Variants in FRMD4B observed in about 807,000 individuals in gnomAD.
FRMD4B encodes the protein FERM domain containing 4B, also known as FERM domain-containing protein 4B.
In FRMD4B, 74 loss-of-function variants were observed where a neutral mutation model predicts 141.5. That is an observed-to-expected ratio of 0.52 (90% CI 0.43 to 0.63). The LOEUF is 0.63. Among genes scored for constraint, FRMD4B ranks in the 30% least tolerant of loss-of-function variants. The pLI is 0.00. For missense variants in FRMD4B, 1,366 were observed against 1,253.4 expected (o/e 1.09, Z -1.36); for synonymous variants, 506 against 467.9 (o/e 1.08, Z -1.05).
At chr3:69,340,035 C>G (rs1376599370) in intron 1 of FRMD4B, among the ~76,000 whole-genome samples, 4 of 152,286 alleles carry the variant, frequency 2.6e-5, no homozygotes, top group Non-Finnish European at 5.9e-5. Context: ...CTCCCTGGGC[C>G]CCAGCCACAT....
At position 69,415,426 on chromosome 3, in the gene FRMD4B, C is replaced by T. The variant is rs549004339; in HGVS notation, c.-1+17208G>A. ...GTCTTCTATGTCTGTGGTCAAGCCC[C>T]ATCTACCTCTCCCTTGCCCCTTGTC... On this transcript the variant is annotated intron_variant, in intron 2 of 5. Coordinates refer to the FRMD4B transcript ENST00000459638. Among the ~76,000 whole-genome samples the T allele has an allele frequency of 2.0e-5, 3 of 152,244 alleles. No individual in the cohort carries two copies. In the East Asian group the frequency reaches 5.8e-4, roughly 29 times the overall value.
At chr3:69,341,125 A>T (rs572732761) in intron 1 of FRMD4B, among the ~76,000 whole-genome samples, 2 of 152,202 alleles carry the variant, frequency 1.3e-5, no homozygotes, top group Non-Finnish European at 2.9e-5. Flanking sequence ...AAAGAAGGAA[A>T]AAAGAATACT....
intron 1 of FRMD4B, among the ~76,000 whole-genome samples, chr3:69,476,520 G>A (rs1706002179): frequency 6.6e-6 from 1 of 152,138 alleles, no homozygotes; most frequent in African/African-American, 2.4e-5. Flanking sequence ...TTGTAGATAT[G>A]TGGCATTATT....
chr3:69,172,433 AC>A (rs1266279518), intron 22 of FRMD4B, among the ~76,000 whole-genome samples: 9 of 152,138 alleles, frequency 5.9e-5, no homozygotes, highest in African/African-American at 1.7e-4. Context: ...AACCAGCTTT[AC>A]CATCCTGCTA....
intron 1 of FRMD4B, among the ~76,000 whole-genome samples, chr3:69,508,490 A>C (rs965676897): frequency 3.3e-5 from 5 of 152,162 alleles, no homozygotes; most frequent in Non-Finnish European, 7.3e-5. Context: ...TTTATTTCCT[A>C]GTCAATGAGA....
At chr3:69,211,179 T>C (rs1366772673) in intron 11 of FRMD4B, among the ~76,000 whole-genome samples, 2 of 152,182 alleles carry the variant, frequency 1.3e-5, no homozygotes, top group East Asian at 1.9e-4. Context: ...CTAATGATGA[T>C]GGCGTATCAG....
intron 5 of FRMD4B, among the ~76,000 whole-genome samples, chr3:69,279,011 T>G (rs536876393): frequency 4.8e-4 from 73 of 152,142 alleles, no homozygotes; most frequent in Middle Eastern, 3.4e-3. Flanking sequence ...CAAAGTATCA[T>G]CAGACACATT....
At chr3:69,279,100 T>G (rs1440417285) in intron 5 of FRMD4B, among the ~76,000 whole-genome samples, 1 of 152,012 alleles carries the variant, frequency 6.6e-6, no homozygotes, top group Non-Finnish European at 1.5e-5. Flanking sequence ...ACACAACACA[T>G]ACTACACACA....
At chr3:69,407,309 G>A (rs923320169) in intron 2 of FRMD4B, among the ~76,000 whole-genome samples, 1 of 152,172 alleles carries the variant, frequency 6.6e-6, no homozygotes, top group Non-Finnish European at 1.5e-5. Context: ...CACCTATGAA[G>A]CCACTTAGTA....
In FRMD4B at chr3:69,190,275, C is replaced by T. The variant is rs2092821701; in HGVS notation, c.1715-323G>A. Among the ~76,000 whole-genome samples, 4 of 152,154 alleles carry T rather than the reference C, an allele frequency of 2.6e-5. No individual in the cohort carries two copies. In the South Asian group the frequency reaches 8.3e-4, roughly 32 times the overall value. ...CTATATATTTAGTGCTTATGATCAACAAACTGGAAAGAAAAAATCATGCCA... is the reference window on the plus strand; with the variant it reads ...CTATATATTTAGTGCTTATGATCAATAAACTGGAAAGAAAAAATCATGCCA... On this transcript the variant is annotated intron_variant, in intron 17 of 22. Transcript: ENST00000398540.
At chr3:69,320,549 A>G (rs187983056) in intron 1 of FRMD4B, among the ~76,000 whole-genome samples, 153 of 152,340 alleles carry the variant, frequency 1.0e-3, no homozygotes, top group African/African-American at 3.6e-3. Context: ...TGGGCAATAC[A>G]GCAAGACCCT....
rs2092576830 is a variant in FRMD4B at position 69,170,629 on chromosome 3, GAAGCA to G, written c.*1227_*1231del. On this transcript the variant is annotated 3_prime_UTR_variant, in exon 23 of 23. Transcript: ENST00000398540. ...AAAGGAGCACCTTTTATGTAATTTT[GAAGCA>G]AAGATGACAAAAAAGATCAATCTGG... 6.6e-6 allele frequency: 1 copy of G among 152,048 alleles called. No individual in the cohort carries two copies. Among genetic ancestry groups the G allele is most frequent in the African/African-American group, 2.4e-5 (1 of 41,402 alleles). The allele number at this position is 152,048 out of a possible 1,614,324, so 9.4% of individuals were successfully genotyped here.
At chr3:69,319,531 T>C (rs936112496) in intron 1 of FRMD4B, among the ~76,000 whole-genome samples, 32 of 152,312 alleles carry the variant, frequency 2.1e-4, no homozygotes, top group African/African-American at 7.7e-4. Flanking sequence ...AGAGCTGCTG[T>C]AGGGGAAATA....
At chr3:69,379,500 A>G (rs1429930782) in intron 1 of FRMD4B, among the ~76,000 whole-genome samples, 3 of 152,090 alleles carry the variant, frequency 2.0e-5, no homozygotes, top group African/African-American at 7.2e-5. Context: ...GCTGGTCTCA[A>G]ACTCCTGGGC....
intron 1 of FRMD4B, among the ~76,000 whole-genome samples, chr3:69,439,677 A>T (rs191805843): frequency 1.2e-3 from 178 of 152,280 alleles, no homozygotes; most frequent in African/African-American, 4.1e-3. Flanking sequence ...GGGAATGACA[A>T]CTTGCTCTCC....
At chr3:69,352,099 C>T (rs1332314971) in intron 1 of FRMD4B, among the ~76,000 whole-genome samples, 1 of 152,114 alleles carries the variant, frequency 6.6e-6, no homozygotes, top group Non-Finnish European at 1.5e-5. Flanking sequence ...CTTGGTATAT[C>T]TGGGAATATA....
chr3:69,271,206 A>G (rs968849411), intron 5 of FRMD4B, among the ~76,000 whole-genome samples: 5 of 152,218 alleles, frequency 3.3e-5, no homozygotes, highest in Non-Finnish European at 7.3e-5. Context: ...AAGTCTTCCA[A>G]CTGGATTTTT....
intron 1 of FRMD4B, among the ~76,000 whole-genome samples, chr3:69,473,043 G>A (rs1052983971): frequency 6.6e-6 from 1 of 150,892 alleles, no homozygotes; most frequent in Non-Finnish European, 1.5e-5. Flanking sequence ...TCCATATAGG[G>A]GGGTTATGCT....
At chr3:69,390,738 CA>C (rs376177742), upstream of FRMD4B, among the ~76,000 whole-genome samples, 432 of 152,090 alleles carry the variant, frequency 2.8e-3, 2 homozygotes, top group African/African-American at 9.9e-3. Flanking sequence ...CTAAAAGTAA[CA>C]AAAATTAGCC....
Sources: allele counts gnomAD v4.1 joint callset (sites outside exome capture counted in the v4.1 genomes callset), GRCh38; gene constraint gnomAD v4.1.1; transcripts MANE v1.5; gene names NCBI Gene and HGNC (gene_info 2026-07-23, HGNC 2026-07-21).